Variants in MAPK10 observed in about 807,000 individuals in gnomAD.
MAPK10 encodes JNK3 alpha protein kinase.
Under a neutral mutation model 59.3 loss-of-function variants are expected in MAPK10, and 25 were observed. The ratio of observed to expected loss-of-function variants is 0.42; its 90% CI spans 0.31 to 0.59. The LOEUF (loss-of-function observed/expected upper bound fraction) is 0.59, where lower values mean the gene tolerates loss of function less well. MAPK10 is among the 20% of genes least tolerant of loss of function. The pLI is 0.15. For missense variants in MAPK10, 351 were observed against 568.9 expected, an observed-to-expected ratio of 0.62 and a Z score of 3.90; for synonymous variants, 190 against 200.5, an observed-to-expected ratio of 0.95 and a Z score of 0.44.
intron 4 of MAPK10, among the ~76,000 whole-genome samples, chr4:86,138,804 A>T (rs2062868444): frequency 6.6e-6 from 1 of 152,138 alleles, no homozygotes; most frequent in African/African-American, 2.4e-5. Flanking sequence ...CTTAGCCCAG[A>T]ATCTCCTTAA....
intron 1 of MAPK10, among the ~76,000 whole-genome samples, chr4:86,374,952 A>G (rs1313026621): frequency 2.0e-5 from 3 of 152,238 alleles, no homozygotes; most frequent in Admixed American, 1.3e-4. Flanking sequence ...TCATCCAGTT[A>G]ACAAATATTC....
chr4:86,585,591 T>C (rs1357055884), intron 1 of MAPK10, among the ~76,000 whole-genome samples: 1 of 152,222 alleles, frequency 6.6e-6, no homozygotes, highest in East Asian at 1.9e-4. Flanking sequence ...ACATCATATA[T>C]GTATAATATT....
intron 2 of MAPK10, among the ~76,000 whole-genome samples, chr4:86,203,089 C>T (rs192511167): frequency 6.6e-6 from 1 of 151,728 alleles, no homozygotes; most frequent in Non-Finnish European, 1.5e-5. Flanking sequence ...CAATATAGGA[C>T]CTGTAAGTAG....
intron 2 of MAPK10, among the ~76,000 whole-genome samples, chr4:86,257,294 G>A (rs1359985603): frequency 2.0e-5 from 3 of 152,126 alleles, no homozygotes; most frequent in Non-Finnish European, 4.4e-5. Context: ...ACCAGCTTAG[G>A]TTAGGTTGGG....
At chr4:86,436,801 T>C (rs1043667878) in intron 1 of MAPK10, among the ~76,000 whole-genome samples, 14 of 152,214 alleles carry the variant, frequency 9.2e-5, no homozygotes, top group Non-Finnish European at 7.3e-5. Context: ...TATATTTTTC[T>C]TGCCTTATTT....
intron 13 of MAPK10, chr4:86,024,999 G>T (rs1270811365): frequency 2.0e-5 from 3 of 152,314 alleles, no homozygotes; most frequent in Admixed American, 1.3e-4. Flanking sequence ...CTTTGTAAAA[G>T]TTCCCATGAC....
chr4:86,320,670 C>G (rs2095871018), intron 2 of MAPK10, among the ~76,000 whole-genome samples: 1 of 152,162 alleles, frequency 6.6e-6, no homozygotes, highest in South Asian at 2.1e-4. Context: ...AATTAGATCC[C>G]ATTTGTCAAT....
intron 1 of MAPK10, among the ~76,000 whole-genome samples, chr4:86,576,512 C>T (rs1048986918): frequency 3.8e-4 from 58 of 151,056 alleles, no homozygotes; most frequent in Middle Eastern, 3.5e-3. Context: ...CGGTGGCTCA[C>T]GCCTGTAATC....
At chr4:86,457,285 T>C (rs1382509526), upstream of MAPK10, among the ~76,000 whole-genome samples, 1 of 152,138 alleles carries the variant, frequency 6.6e-6, no homozygotes, top group Non-Finnish European at 1.5e-5. Context: ...CTTTTCAACA[T>C]AGTACTGGAA....
At chr4:86,353,822 G>A (rs1435522042) in intron 2 of MAPK10, among the ~76,000 whole-genome samples, 2 of 152,066 alleles carry the variant, frequency 1.3e-5, no homozygotes, top group African/African-American at 2.4e-5. Flanking sequence ...TCTCAAAGAT[G>A]TTATTTGACA....
At chr4:86,400,744 C>T (rs1413751672) in intron 1 of MAPK10, among the ~76,000 whole-genome samples, 6 of 152,062 alleles carry the variant, frequency 3.9e-5, no homozygotes, top group Admixed American at 3.9e-4. Flanking sequence ...GGTTTAACTC[C>T]CTTGCAGTTT....
intron 1 of MAPK10, among the ~76,000 whole-genome samples, chr4:86,390,451 C>G (rs1309191250): frequency 6.6e-6 from 1 of 152,118 alleles, no homozygotes; most frequent in African/African-American, 2.4e-5. Context: ...CTCCCCTTCC[C>G]CCAAGCAACT....
intron 6 of MAPK10, 74 bp downstream of exon 6, chr4:86,103,112 T>TGTGA: frequency 2.5e-6 from 2 of 813,622 alleles, no homozygotes; most frequent in Non-Finnish European, 4.3e-6. Context: ...TGTGTGTGTG[T>TGTGA]GTGTGGTGTG....
At position 86,013,648 on chromosome 4, in the gene MAPK10, A is replaced by AT. The variant is rs1461451619; in HGVS notation, c.*3579dup. 1.1e-4 allele frequency: 17 copies of AT among 152,032 alleles called. No individual in the cohort carries two copies. Among genetic ancestry groups the AT allele is most frequent in the Admixed American group, 8.5e-4 (13 of 15,258 alleles). 9.4% of individuals were successfully genotyped at this position (152,032 alleles called of 1,614,324 possible). On this transcript the variant is annotated 3_prime_UTR_variant, in exon 14 of 14. Transcript: ENST00000641462. Reference sequence around the variant, plus strand: ...TAAAAGGTTTTACATATTTTTATCTATTTTTTACTAGTTCCATTTACTAAG... The same window carrying AT: ...TAAAAGGTTTTACATATTTTTATCTATTTTTTTACTAGTTCCATTTACTAAG...
At chr4:86,403,644 A>C (rs1240753209) in intron 1 of MAPK10, among the ~76,000 whole-genome samples, 1 of 152,210 alleles carries the variant, frequency 6.6e-6, no homozygotes, top group East Asian at 1.9e-4. Context: ...TCATGACAGA[A>C]GACAAAGGGG....
At chr4:86,162,684 C>T (rs185768421) in intron 3 of MAPK10, among the ~76,000 whole-genome samples, 4 of 152,152 alleles carry the variant, frequency 2.6e-5, no homozygotes, top group Admixed American at 6.6e-5. Flanking sequence ...ACAGTAGCAA[C>T]TAACCACCTG....
intron 2 of MAPK10, among the ~76,000 whole-genome samples, chr4:86,319,433 T>G (rs2095848714): frequency 6.6e-6 from 1 of 152,150 alleles, no homozygotes; most frequent in Admixed American, 6.6e-5. Context: ...GAATAAATAC[T>G]CTTGAATAAG....
intron 2 of MAPK10, among the ~76,000 whole-genome samples, chr4:86,302,403 G>A (rs1051080917): frequency 2.6e-5 from 4 of 152,124 alleles, no homozygotes; most frequent in Non-Finnish European, 5.9e-5. Flanking sequence ...CAATTGCTTG[G>A]AACAGGAAAC....
At position 86,285,721 on chromosome 4, in the gene MAPK10, G is replaced by T. The variant is rs188594952; in HGVS notation, c.-7+68809C>A. ...ATATATACAAAGAGATTTATTATAG[G>T]AATTGGCTCACACAATTTATGAAAG... On this transcript the variant is annotated intron_variant, in intron 2 of 13. Coordinates refer to ENST00000641462, the MANE Select transcript of MAPK10 (RefSeq NM_138982.4). Among the ~76,000 whole-genome samples, 22 of 152,186 alleles carry T rather than the reference G, an allele frequency of 1.4e-4. No individual in the cohort carries two copies. In the East Asian group the frequency reaches 4.1e-3, roughly 28 times the overall value.
Sources: gnomAD v4.1 joint callset for allele counts (sites outside exome capture counted in the v4.1 genomes callset) on GRCh38, gnomAD v4.1.1 for gene constraint, MANE v1.5 for transcripts, NCBI Gene and HGNC (gene_info 2026-07-23, HGNC 2026-07-21) for gene names.